GRK5: variants seen among roughly 807,000 people sequenced by gnomAD.
GRK5 encodes the protein g protein-coupled receptor kinase GRK5.
A neutral mutation model predicts 78.4 loss-of-function variants in GRK5; 40 were observed. That is an observed-to-expected ratio of 0.51 (90% CI 0.40 to 0.66). The LOEUF (loss-of-function observed/expected upper bound fraction) is 0.66. Ranked by LOEUF, GRK5 falls within the 30% of genes least tolerant of loss-of-function variation. GRK5 has a pLI of 0.00. For missense variants in GRK5, 598 were observed against 759.9 expected, an observed-to-expected ratio of 0.79 and a Z score of 2.50; for synonymous variants, 289 against 296.8, an observed-to-expected ratio of 0.97 and a Z score of 0.27.
At position 119,364,057 on chromosome 10, in the gene GRK5, T is replaced by C. The variant is rs189263996; in HGVS notation, c.149-16758T>C. 1.7e-4 allele frequency among the ~76,000 whole-genome samples: 26 copies of C among 152,342 alleles called. 1 individual carries two copies. The highest frequency in any genetic ancestry group is 7.2e-4 in the Admixed American group (11 of 15,304). Reference sequence around the variant, plus strand: ...AGAGTCCGGAGCTAGACCAAGATCCTTGGGCAGGGGTGGCGGGTATTTCTG... The same window carrying C: ...AGAGTCCGGAGCTAGACCAAGATCCCTGGGCAGGGGTGGCGGGTATTTCTG... On this transcript the variant is annotated intron_variant, in intron 2 of 15. Transcript: ENST00000392870.
chr10:119,419,204 C>T (rs1021563151), intron 4 of GRK5, among the ~76,000 whole-genome samples: 3 of 152,222 alleles, frequency 2.0e-5, no homozygotes, highest in Non-Finnish European at 2.9e-5. Flanking sequence ...GGATGGATCC[C>T]GGTGCTGAGC....
At position 119,306,374 on chromosome 10, in the gene GRK5, G is replaced by A. The variant is rs554215637; in HGVS notation, c.53-20142G>A. On this transcript the variant is annotated intron_variant, in intron 1 of 15. Coordinates refer to ENST00000392870, the MANE Select transcript of GRK5 (RefSeq NM_005308.3). ...CAGTGCCTGGATGAGCAAGCTTCCT[G>A]TGTGCTTCAGCTTGGGGCGCATGTG... 3.3e-5 allele frequency among the ~76,000 whole-genome samples: 5 copies of A among 152,310 alleles called. No homozygotes were observed. The East Asian group carries it at 7.7e-4, about 23-fold the overall frequency.
intron 1 of GRK5, among the ~76,000 whole-genome samples, chr10:119,283,469 G>T (rs879326716): frequency 2.0e-5 from 3 of 152,232 alleles, no homozygotes; most frequent in African/African-American, 7.2e-5. Context: ...TAGGAGTGAG[G>T]CTGCAGGGAA....
At chr10:119,398,723 G>C (rs1852098802) in intron 4 of GRK5, among the ~76,000 whole-genome samples, 1 of 152,260 alleles carries the variant, frequency 6.6e-6, no homozygotes, top group African/African-American at 2.4e-5. Flanking sequence ...GCTCAGGGGA[G>C]CTGTCACATC....
intron 1 of GRK5, among the ~76,000 whole-genome samples, chr10:119,300,808 C>A (rs1005861672): frequency 1.3e-5 from 2 of 152,130 alleles, no homozygotes; most frequent in Non-Finnish European, 2.9e-5. Flanking sequence ...AAGTGCAGAA[C>A]CTGGCTGGGC....
chr10:119,304,066 T>A (rs557660423), intron 1 of GRK5, among the ~76,000 whole-genome samples: 1 of 152,242 alleles, frequency 6.6e-6, no homozygotes, highest in Admixed American at 6.5e-5. Context: ...TGGTGTTACC[T>A]GGTGCTGGGG....
Position 119,448,107 on chromosome 10 carries a change from G to A in GRK5, c.1267-16G>A. 3.3e-6 allele frequency: 5 copies of A among 1,529,852 alleles called. No individual in the cohort carries two copies. Among genetic ancestry groups the A allele is most frequent in the Non-Finnish European group, 4.4e-6 (5 of 1,143,718 alleles). 94.8% of individuals were successfully genotyped at this position (1,529,852 alleles called of 1,614,324 possible). ...GAGGCCCAGGGGACGTGGCTTCATGGGGCTCTCTGTTTCAGCTGCTCACGA... is the reference window on the plus strand; with the variant it reads ...GAGGCCCAGGGGACGTGGCTTCATGAGGCTCTCTGTTTCAGCTGCTCACGA... On this transcript the variant is annotated splice_polypyrimidine_tract_variant and intron_variant, in intron 12 of 15. Transcript: ENST00000392870.
chr10:119,323,020 G>A (rs909614809), intron 1 of GRK5, among the ~76,000 whole-genome samples: 4 of 152,242 alleles, frequency 2.6e-5, no homozygotes, highest in Non-Finnish European at 5.9e-5. Context: ...GGCGAAGCTC[G>A]AGGACATTAC....
chr10:119,246,038 A>AG (rs1391619060), intron 1 of GRK5, among the ~76,000 whole-genome samples: 7 of 146,534 alleles, frequency 4.8e-5, no homozygotes, highest in South Asian at 2.1e-4. Context: ...AAAAAAAAAA[A>AG]AAAAAAAGAA....
chr10:119,291,963 TTCCTCCTTCTCC>T (rs1849976923), intron 1 of GRK5, among the ~76,000 whole-genome samples: 1 of 3,738 alleles, frequency 2.7e-4, no homozygotes, highest in Non-Finnish European at 5.7e-4. Flanking sequence ...TCTCCTCCTC[TTCCTCCTTCTCC>T]TCCTCTTCCT....
At chr10:119,255,543 A>G (rs1159023199) in intron 1 of GRK5, among the ~76,000 whole-genome samples, 1 of 152,130 alleles carries the variant, frequency 6.6e-6, no homozygotes, top group African/African-American at 2.4e-5. Context: ...ACTTTGTACT[A>G]ACACCGCTGG....
intron 1 of GRK5, among the ~76,000 whole-genome samples, chr10:119,236,418 G>A (rs1848930724): frequency 6.6e-6 from 1 of 152,080 alleles, no homozygotes; most frequent in African/African-American, 2.4e-5. Flanking sequence ...GTTTCACTGT[G>A]TTAGCCAGGA....
chr10:119,452,735 A>G lies in GRK5; in HGVS notation c.1469A>G (p.Asn490Ser). Residue 490 changes from asparagine (N) to serine (S), a missense_variant, in exon 14 of 16, where the codon AAT (asparagine) becomes AGT (serine). Asn to Ser is a conservative substitution (Grantham distance 46). Transcript: ENST00000392870. The surrounding 1 kb of genome is among the most constrained non-coding windows in gnomAD (Gnocchi z 4.4). Reference protein sequence around the residue: ...IEQFSTVKGVNLDHTDDDFYS... With the variant: ...IEQFSTVKGVSLDHTDDDFYS... ...CAGTTCTCCACTGTGAAGGGCGTCA[A>G]TCTGGACCACACAGACGACGACTTC... is the stretch of plus-strand genomic sequence containing the variant. 1.2e-6 allele frequency: 2 copies of G among 1,614,004 alleles called. No individual in the cohort carries two copies. The highest frequency in any genetic ancestry group is 1.1e-5 in the South Asian group (1 of 91,080).
chr10:119,397,105 C>T (rs1015895940), intron 4 of GRK5, among the ~76,000 whole-genome samples: 6 of 152,174 alleles, frequency 3.9e-5, no homozygotes, highest in Non-Finnish European at 8.8e-5. Flanking sequence ...AGGAGAAGTG[C>T]CCAGAAGGAA....
intron 2 of GRK5, among the ~76,000 whole-genome samples, chr10:119,373,839 G>A (rs1851584080): frequency 6.6e-6 from 1 of 152,166 alleles, no homozygotes; most frequent in Non-Finnish European, 1.5e-5. Context: ...TGCAATATCT[G>A]CAAAAGACAA....
At chr10:119,241,099 G>A (rs1849018039) in intron 1 of GRK5, among the ~76,000 whole-genome samples, 2 of 152,108 alleles carry the variant, frequency 1.3e-5, no homozygotes, top group African/African-American at 2.4e-5. Context: ...AAAAATCCGT[G>A]TTCTAGTCCC....
At chr10:119,380,041 A>G (rs117157789) in intron 2 of GRK5, among the ~76,000 whole-genome samples, 2 of 152,300 alleles carry the variant, frequency 1.3e-5, no homozygotes, top group Non-Finnish European at 2.9e-5. Context: ...CAGGGTTTTC[A>G]TAATTTGAAG....
intron 6 of GRK5, among the ~76,000 whole-genome samples, chr10:119,427,411 C>T (rs1206124776): frequency 2.7e-5 from 4 of 150,356 alleles, no homozygotes; most frequent in South Asian, 2.1e-4. Context: ...CCATCAACAG[C>T]GTCACCACCA....
intron 1 of GRK5, among the ~76,000 whole-genome samples, chr10:119,308,462 C>A (rs1296194608): frequency 1.3e-5 from 2 of 152,190 alleles, no homozygotes; most frequent in Non-Finnish European, 2.9e-5. Flanking sequence ...GGCGTGTGCC[C>A]CCTCAGAATC....
Sources: allele counts gnomAD v4.1 joint callset (sites outside exome capture counted in the v4.1 genomes callset), GRCh38; gene constraint gnomAD v4.1.1; non-coding constraint Gnocchi (gnomAD v3.1); transcripts MANE v1.5; gene names NCBI Gene and HGNC (gene_info 2026-07-23, HGNC 2026-07-21).